The following RORA variants were observed in gnomAD, a reference collection of about 807,000 sequenced individuals.
RORA encodes nuclear receptor ROR-alpha.
RORA carries 7 observed loss-of-function variants against 69.5 expected under a neutral mutation model. The observed-to-expected ratio is 0.10, with a 90% CI of 0.06 to 0.19. The LOEUF (loss-of-function observed/expected upper bound fraction) is 0.19. RORA is among the 10% of genes least tolerant of loss of function. RORA has a pLI of 1.00. For synonymous variants in RORA, 261 were observed against 240.8 expected (o/e 1.08, Z -0.78); for missense variants, 457 against 663.0 (o/e 0.69, Z 3.41).
At chr15:61,134,163 T>A (rs1175450543) in intron 1 of RORA, among the ~76,000 whole-genome samples, 1 of 152,286 alleles carries the variant, frequency 6.6e-6, no homozygotes, top group East Asian at 1.9e-4. Context: ...TCAATGAAAC[T>A]TTATGTCCCT....
intron 1 of RORA, among the ~76,000 whole-genome samples, chr15:61,101,333 G>C (rs1302530479): frequency 6.6e-6 from 1 of 152,152 alleles, no homozygotes; most frequent in East Asian, 1.9e-4. Context: ...AAGCAAAGTA[G>C]GGTCATGAGA....
intron 1 of RORA, among the ~76,000 whole-genome samples, chr15:60,746,948 G>A (rs2071657301): frequency 6.6e-6 from 1 of 152,188 alleles, no homozygotes; most frequent in African/African-American, 2.4e-5. Context: ...AAAATAGTGA[G>A]TAGAAACTCA....
intron 1 of RORA, among the ~76,000 whole-genome samples, chr15:61,057,617 G>T (rs564051414): frequency 2.1e-4 from 32 of 152,282 alleles, no homozygotes; most frequent in African/African-American, 7.5e-4. Flanking sequence ...AGTGTGTAAT[G>T]ACCACCTCTG....
At chr15:60,604,031 G>C (rs2068882861) in intron 2 of RORA, among the ~76,000 whole-genome samples, 1 of 151,694 alleles carries the variant, frequency 6.6e-6, no homozygotes, top group African/African-American at 2.4e-5. Context: ...TACGCAGGAG[G>C]CTGAGGCAGG....
At position 60,592,519 on chromosome 15, in the gene RORA, C is replaced by T. The variant is rs2068560654; in HGVS notation, c.197-60668G>A. ...GCCGCCCGAGCCACAGCAGCAGCTG[C>T]CGCAGCTGCCCGCCCGCCGAGAGCC... On this transcript the variant is annotated intron_variant, in intron 2 of 10. Transcript: ENST00000335670. 7 of 1,294,662 alleles carry T rather than the reference C, an allele frequency of 5.4e-6. No homozygotes were observed. In the South Asian group the frequency reaches 1.1e-4, roughly 21 times the overall value. The allele number at this position is 1,294,662 out of a possible 1,614,324, so 80.2% of individuals were successfully genotyped here.
intron 1 of RORA, among the ~76,000 whole-genome samples, chr15:61,104,046 G>T (rs981089507): frequency 6.6e-6 from 1 of 152,194 alleles, no homozygotes; most frequent in African/African-American, 2.4e-5. Flanking sequence ...ATGAATCTTA[G>T]ATAAACAAGG....
chr15:61,060,583 T>G (rs2078169660), intron 1 of RORA, among the ~76,000 whole-genome samples: 1 of 152,134 alleles, frequency 6.6e-6, no homozygotes, highest in Non-Finnish European at 1.5e-5. Context: ...TGTGAGCTGC[T>G]CAGGGAAACT....
rs151051263 is a variant in RORA, at chr15:60,862,628, T to C, written c.167-183942A>G. On this transcript the variant is annotated intron_variant, in intron 1 of 10. Coordinates refer to ENST00000335670, the MANE Select transcript of RORA (RefSeq NM_134261.3). ...AAGGAAAGAAATGGAGAGTGGGAGG[T>C]GTATTTTGGGTAAAAAAGAAAAAGA... Among the ~76,000 whole-genome samples, 815 of 152,106 alleles carry C rather than the reference T, an allele frequency of 5.4e-3. 4 individuals carry two copies. The highest frequency in any genetic ancestry group is 8.2e-3 in the Non-Finnish European group (556 of 67,986).
chr15:60,522,189 G>A (rs1430480455), intron 3 of RORA, among the ~76,000 whole-genome samples: 1 of 152,106 alleles, frequency 6.6e-6, no homozygotes, highest in Non-Finnish European at 1.5e-5. Context: ...ACTTTTTAAT[G>A]ATTATTTTAC....
At chr15:60,774,858 C>CG (rs2072138530) in intron 1 of RORA, among the ~76,000 whole-genome samples, 1 of 152,200 alleles carries the variant, frequency 6.6e-6, no homozygotes. Flanking sequence ...TCCTTAGATT[C>CG]TATTACAAAA....
intron 2 of RORA, among the ~76,000 whole-genome samples, chr15:60,610,754 C>G (rs2069066240): frequency 6.6e-6 from 1 of 151,920 alleles, no homozygotes; most frequent in South Asian, 2.1e-4. Flanking sequence ...AAAAAAACCC[C>G]AAAAACCAAA....
At chr15:60,803,492 T>C (rs766882903) in intron 1 of RORA, among the ~76,000 whole-genome samples, 2 of 152,332 alleles carry the variant, frequency 1.3e-5, no homozygotes, top group South Asian at 4.1e-4. Flanking sequence ...GCAACGTGCA[T>C]GTCAGCTTTT....
intron 1 of RORA, among the ~76,000 whole-genome samples, chr15:60,933,982 G>C (rs1010510323): frequency 1.3e-5 from 2 of 152,236 alleles, no homozygotes; most frequent in Non-Finnish European, 2.9e-5. Flanking sequence ...GCGCATTGGA[G>C]TCTTGCAGCT....
At chr15:60,625,869 T>C (rs546877269) in intron 2 of RORA, among the ~76,000 whole-genome samples, 8 of 152,276 alleles carry the variant, frequency 5.3e-5, no homozygotes, top group African/African-American at 1.9e-4. Context: ...TTGAATATTG[T>C]ATCATGTACC....
intron 1 of RORA, among the ~76,000 whole-genome samples, chr15:60,954,340 C>G (rs1893203075): frequency 6.8e-6 from 1 of 146,786 alleles, no homozygotes; most frequent in Admixed American, 6.8e-5. Context: ...ATACCTAATG[C>G]TAGATGACGA....
At chr15:60,648,755 C>T (rs1003632311) in intron 2 of RORA, among the ~76,000 whole-genome samples, 7 of 152,108 alleles carry the variant, frequency 4.6e-5, no homozygotes, top group African/African-American at 9.7e-5. Context: ...ATGATGGAAA[C>T]GAAAGACACC....
At chr15:60,793,985 C>G (rs1448289950) in intron 1 of RORA, among the ~76,000 whole-genome samples, 4 of 152,154 alleles carry the variant, frequency 2.6e-5, no homozygotes, top group Non-Finnish European at 4.4e-5. Context: ...TCTTTGAGGA[C>G]CTGGGTCCCA....
At chr15:60,823,580 C>T (rs1316866823) in intron 1 of RORA, among the ~76,000 whole-genome samples, 2 of 152,186 alleles carry the variant, frequency 1.3e-5, no homozygotes, top group Non-Finnish European at 2.9e-5. Context: ...ACATTAGGTG[C>T]ATATAGGCAA....
At chr15:60,946,768 A>C (rs1480372590) in intron 1 of RORA, among the ~76,000 whole-genome samples, 1 of 129,038 alleles carries the variant, frequency 7.7e-6, no homozygotes, top group East Asian at 2.3e-4. Context: ...CCGGCTGCCC[A>C]GTCTGGGAAG....
Sources: gnomAD v4.1 joint callset for allele counts (sites outside exome capture counted in the v4.1 genomes callset) on GRCh38, gnomAD v4.1.1 for gene constraint, MANE v1.5 for transcripts, NCBI Gene and HGNC (gene_info 2026-07-23, HGNC 2026-07-21) for gene names.